Variants in NCALD observed in about 807,000 individuals in gnomAD.
NCALD encodes neurocalcin-delta.
A neutral mutation model predicts 18.6 loss-of-function variants in NCALD; 10 were observed. That is an observed-to-expected ratio of 0.54 (90% CI 0.33 to 0.91). The LOEUF (loss-of-function observed/expected upper bound fraction) is 0.91, where lower values mean the gene tolerates loss of function less well. NCALD is among the 40% of genes least tolerant of loss of function. The pLI, the probability that NCALD is intolerant of heterozygous loss-of-function variation, is 0.03. For synonymous variants in NCALD, 88 were observed against 87.4 expected, an observed-to-expected ratio of 1.01 and a Z score of -0.04; for missense variants, 184 against 247.6, an observed-to-expected ratio of 0.74 and a Z score of 1.72.
chr8:101,690,395 G>A, intron 3 of NCALD: 1 of 985,090 alleles, frequency 1.0e-6, no homozygotes, highest in Non-Finnish European at 1.2e-6. Flanking sequence ...CTGCCCCAGA[G>A]AGGATTTATT....
chr8:102,116,947 A>G (rs1825807773), intron 1 of NCALD, among the ~76,000 whole-genome samples: 1 of 152,230 alleles, frequency 6.6e-6, no homozygotes, highest in Admixed American at 6.5e-5. Context: ...AAATGTCTTT[A>G]TAAAAGATGC....
intron 1 of NCALD, among the ~76,000 whole-genome samples, chr8:101,788,187 G>A (rs565911304): frequency 6.6e-6 from 1 of 152,202 alleles, no homozygotes; most frequent in Admixed American, 6.5e-5. Context: ...TGGAAATGGG[G>A]TGATGGGTTT....
chr8:101,838,778 C>T (rs1351465272), intron 4 of NCALD, among the ~76,000 whole-genome samples: 2 of 152,148 alleles, frequency 1.3e-5, no homozygotes, highest in African/African-American at 2.4e-5. Flanking sequence ...CATTGGTTGA[C>T]ACCATTATTT....
intron 1 of NCALD, among the ~76,000 whole-genome samples, chr8:102,026,593 C>A (rs1266298626): frequency 6.6e-6 from 1 of 152,218 alleles, no homozygotes; most frequent in Non-Finnish European, 1.5e-5. Flanking sequence ...AGGGTACAGC[C>A]ACCCTGTCAG....
chr8:102,068,446 G>A (rs1469494423), intron 1 of NCALD, among the ~76,000 whole-genome samples: 1 of 152,184 alleles, frequency 6.6e-6, no homozygotes, highest in African/African-American at 2.4e-5. Context: ...CTCTGCACCT[G>A]CTGTTTTCTC....
intron 2 of NCALD, among the ~76,000 whole-genome samples, chr8:101,983,942 C>A (rs949930330): frequency 2.0e-5 from 3 of 152,190 alleles, no homozygotes; most frequent in Non-Finnish European, 4.4e-5. Flanking sequence ...AGGGTGCTTT[C>A]GTCATCCTTT....
chr8:102,108,439 G>T (rs978001863), intron 1 of NCALD, among the ~76,000 whole-genome samples: 2 of 152,106 alleles, frequency 1.3e-5, no homozygotes, highest in African/African-American at 4.8e-5. Context: ...AATATGCATC[G>T]GTCAAGTCCT....
chr8:101,999,412 C>G (rs1821362269), intron 2 of NCALD, among the ~76,000 whole-genome samples: 4 of 152,116 alleles, frequency 2.6e-5, no homozygotes, highest in Admixed American at 2.6e-4. Context: ...AGTGAAGTAA[C>G]TCAGGAATGG....
At chr8:101,841,539 A>G (rs1814643578) in intron 4 of NCALD, among the ~76,000 whole-genome samples, 1 of 152,206 alleles carries the variant, frequency 6.6e-6, no homozygotes, top group African/African-American at 2.4e-5. Context: ...GTGACAATCA[A>G]AAACATCTCC....
intron 4 of NCALD, among the ~76,000 whole-genome samples, chr8:101,801,320 T>C (rs1212275308): frequency 6.6e-6 from 1 of 152,140 alleles, no homozygotes; most frequent in Non-Finnish European, 1.5e-5. Context: ...AGTAGAAATA[T>C]AGATTTAAAT....
chr8:102,106,130 C>T (rs563035194), intron 1 of NCALD, among the ~76,000 whole-genome samples: 26 of 151,216 alleles, frequency 1.7e-4, no homozygotes, highest in Middle Eastern at 3.4e-3. Context: ...AGTGCAGTGG[C>T]GCAATCTCGG....
intron 1 of NCALD, among the ~76,000 whole-genome samples, chr8:101,757,155 C>T (rs1316647914): frequency 6.6e-6 from 1 of 152,196 alleles, no homozygotes; most frequent in African/African-American, 2.4e-5. Flanking sequence ...TGTTTACCCA[C>T]CATGGCCTTC....
At chr8:101,883,310 C>A (rs1816556144) in intron 4 of NCALD, among the ~76,000 whole-genome samples, 2 of 152,158 alleles carry the variant, frequency 1.3e-5, no homozygotes, top group Non-Finnish European at 2.9e-5. Flanking sequence ...CCACTGTACT[C>A]CAGCCTGGGC....
intron 4 of NCALD, chr8:101,852,697 G>C (rs1815147884): frequency 6.6e-6 from 1 of 152,266 alleles, no homozygotes; most frequent in Non-Finnish European, 1.5e-5. Context: ...AAGCTCAGAA[G>C]CTTCTCTAAG....
intron 1 of NCALD, among the ~76,000 whole-genome samples, chr8:101,746,369 G>A (rs1586383160): frequency 6.6e-6 from 1 of 152,114 alleles, no homozygotes; most frequent in African/African-American, 2.4e-5. Flanking sequence ...GACCAAATGA[G>A]GTACTGCATG....
At chr8:101,808,457 C>A (rs753717956) in intron 4 of NCALD, among the ~76,000 whole-genome samples, 2 of 152,178 alleles carry the variant, frequency 1.3e-5, no homozygotes, top group African/African-American at 2.4e-5. Flanking sequence ...GCAGCAGTTG[C>A]TAATTGTCCT....
At chr8:101,872,212 A>T in intron 4 of NCALD, 1 of 1,527,348 alleles carries the variant, frequency 6.5e-7, no homozygotes, top group Non-Finnish European at 9.1e-7. Context: ...GATGACCCAC[A>T]AGCCCTCACT....
intron 2 of NCALD, among the ~76,000 whole-genome samples, chr8:101,990,825 A>T (rs1288320914): frequency 1.3e-5 from 2 of 152,338 alleles, no homozygotes; most frequent in Non-Finnish European, 2.9e-5. Context: ...AGGGCAAGCA[A>T]TATTCTCCTA....
chr8:101,729,724 C>T (rs1052587345), intron 1 of NCALD, among the ~76,000 whole-genome samples: 4 of 152,234 alleles, frequency 2.6e-5, no homozygotes, highest in Admixed American at 2.0e-4. Flanking sequence ...ATCTTGTCTT[C>T]TCCAGGTGAG....
Sources: gnomAD v4.1 joint callset for allele counts (sites outside exome capture counted in the v4.1 genomes callset) on GRCh38, gnomAD v4.1.1 for gene constraint, MANE v1.5 for transcripts, NCBI Gene and HGNC (gene_info 2026-07-23, HGNC 2026-07-21) for gene names.